Variants in RERE observed in about 807,000 individuals in gnomAD.
The protein encoded by RERE is arginine-glutamic acid dipeptide repeats protein.
In RERE, 40 loss-of-function variants were observed where a neutral mutation model predicts 146.1. The ratio of observed to expected loss-of-function variants is 0.27; its 90% confidence interval spans 0.21 to 0.36. The LOEUF is 0.36. Among genes scored for constraint, RERE ranks in the 10% least tolerant of loss-of-function variants. The pLI is 1.00. For missense variants in RERE, 1,933 were observed against 2,138.7 expected (o/e 0.90, Z 1.90); for synonymous variants, 1,003 against 866.0 (o/e 1.16, Z -2.78).
intron 10 of RERE, among the ~76,000 whole-genome samples, chr1:8,488,437 G>A (rs1297454376): frequency 6.6e-6 from 1 of 152,066 alleles, no homozygotes; most frequent in African/African-American, 2.4e-5. Context: ...GTAGAGACGA[G>A]GTTTCACCAT....
chr1:8,488,458 C>A (rs1352088060), intron 10 of RERE, among the ~76,000 whole-genome samples: 1 of 152,124 alleles, frequency 6.6e-6, no homozygotes, highest in Non-Finnish European at 1.5e-5. Context: ...GTTGGCCAGG[C>A]TGGTCTCAAA....
intron 1 of RERE, among the ~76,000 whole-genome samples, chr1:8,719,367 AC>A (rs1309234135): frequency 6.6e-6 from 1 of 152,156 alleles, no homozygotes; most frequent in Admixed American, 6.5e-5. Context: ...AAAGTAATCC[AC>A]CCCTAAATGA....
intron 1 of RERE, among the ~76,000 whole-genome samples, chr1:8,789,301 A>AAAAAAAAAAAAAAAAATATATATATAT: frequency 4.4e-4 from 11 of 24,812 alleles, no homozygotes; most frequent in East Asian, 9.9e-4. Flanking sequence ...AAAAAAAAAA[A>AAAAAAAAAAAAAAAAATATATATATAT]ATATATATAT....
At chr1:8,777,709 A>AT (rs140488472) in intron 1 of RERE, among the ~76,000 whole-genome samples, 31,547 of 151,044 alleles carry the variant, frequency 0.21, 3,777 homozygotes, top group Middle Eastern at 0.27. Context: ...TACTTTTTGT[A>AT]TTTTTTTAGT....
intron 6 of RERE, among the ~76,000 whole-genome samples, chr1:8,553,114 C>T (rs1250880064): frequency 6.6e-6 from 1 of 150,568 alleles, no homozygotes; most frequent in East Asian, 2.0e-4. Flanking sequence ...TAGGCCAGTA[C>T]ATCCACAAAC....
intron 1 of RERE, among the ~76,000 whole-genome samples, chr1:8,680,151 C>G (rs1473472685): frequency 6.6e-6 from 1 of 152,086 alleles, no homozygotes; most frequent in Non-Finnish European, 1.5e-5. Flanking sequence ...TTCCTATACA[C>G]CTGGTGGAAA....
intron 2 of RERE, among the ~76,000 whole-genome samples, chr1:8,630,685 A>G (rs1647024779): frequency 6.6e-6 from 1 of 152,080 alleles, no homozygotes; most frequent in Non-Finnish European, 1.5e-5. Context: ...CAGCCACTGT[A>G]CTCCAATCTA....
intron 4 of RERE, among the ~76,000 whole-genome samples, chr1:8,586,274 C>G (rs970609680): frequency 1.3e-5 from 2 of 152,060 alleles, no homozygotes; most frequent in African/African-American, 4.8e-5. Flanking sequence ...ACCTGGGTGA[C>G]AAAACTATAA....
intron 4 of RERE, among the ~76,000 whole-genome samples, chr1:8,571,889 C>T (rs1557691948): frequency 6.8e-6 from 1 of 146,806 alleles, no homozygotes; most frequent in Non-Finnish European, 1.5e-5. Context: ...GAAAATGCTG[C>T]TTTAAAAAAG....
At chr1:8,637,518 A>G (rs1321194710) in intron 2 of RERE, among the ~76,000 whole-genome samples, 1 of 152,204 alleles carries the variant, frequency 6.6e-6, no homozygotes, top group Non-Finnish European at 1.5e-5. Context: ...AAGCTGACCA[A>G]AATCATACTA....
At chr1:8,780,286 G>A (rs1641141151) in intron 1 of RERE, among the ~76,000 whole-genome samples, 1 of 152,100 alleles carries the variant, frequency 6.6e-6, no homozygotes, top group Non-Finnish European at 1.5e-5. Context: ...CTGGCTTTGG[G>A]TAGACATTAC....
At chr1:8,614,026 C>T (rs1389799178) in intron 4 of RERE, among the ~76,000 whole-genome samples, 2 of 152,172 alleles carry the variant, frequency 1.3e-5, no homozygotes, top group Non-Finnish European at 1.5e-5. Flanking sequence ...GAGGAATAAC[C>T]AAGGGATAGC....
chr1:8,409,158 A>AT (rs1643542940), intron 12 of RERE, among the ~76,000 whole-genome samples: 1 of 152,230 alleles, frequency 6.6e-6, no homozygotes, highest in Non-Finnish European at 1.5e-5. Context: ...TCTTAAGGAA[A>AT]TATCAGTTGT....
chr1:8,473,527 T>G (rs1373160438), intron 10 of RERE, among the ~76,000 whole-genome samples: 4 of 152,256 alleles, frequency 2.6e-5, no homozygotes, highest in Non-Finnish European at 5.9e-5. Flanking sequence ...ACCACTGTAC[T>G]GATTCATTCA....
intron 4 of RERE, among the ~76,000 whole-genome samples, chr1:8,580,008 A>G (rs1646344475): frequency 1.3e-5 from 2 of 152,188 alleles, no homozygotes; most frequent in Admixed American, 1.3e-4. Flanking sequence ...CATCTCAAAA[A>G]AGACAAAAAG....
rs144480894 is a variant in RERE, at chr1:8,797,199, C to A, written c.-145+19961G>T. 2.9e-3 allele frequency among the ~76,000 whole-genome samples: 440 copies of A among 152,018 alleles called. 2 individuals carry two copies. Among genetic ancestry groups the A allele is most frequent in the African/African-American group, 0.01 (419 of 41,452 alleles). Reference sequence around the variant, plus strand: ...GACCAGCCTGGGCAACACAGGGAGACCCTAGAAAAAAATTAAAAGTTGTTT... The same window carrying A: ...GACCAGCCTGGGCAACACAGGGAGAACCTAGAAAAAAATTAAAAGTTGTTT... On this transcript the variant is annotated intron_variant, in intron 1 of 22. Transcript: ENST00000400908.
intron 20 of RERE, among the ~76,000 whole-genome samples, chr1:8,357,272 T>C (rs934523135): frequency 2.0e-5 from 3 of 152,236 alleles, no homozygotes; most frequent in African/African-American, 7.2e-5. Flanking sequence ...CTACCTGTCC[T>C]CAACACTGCT....
rs1415196628 is a variant in RERE at position 8,786,275 on chromosome 1, T to C, written c.-145+30885A>G. 3.1e-6 allele frequency: 3 copies of C among 971,460 alleles called. No individual in the cohort carries two copies. In the African/African-American group the frequency reaches 4.8e-5, roughly 15 times the overall value. 60.2% of individuals were successfully genotyped at this position (971,460 alleles called of 1,614,324 possible). ...CTCCACCTTCTACAAAATGGGTGGTTTTTCTTCATTCTATCTTGTGGAGAA... is the reference window on the plus strand; with the variant it reads ...CTCCACCTTCTACAAAATGGGTGGTCTTTCTTCATTCTATCTTGTGGAGAA... On this transcript the variant is annotated intron_variant, in intron 1 of 22. Transcript: ENST00000400908.
intron 4 of RERE, among the ~76,000 whole-genome samples, chr1:8,591,755 C>T (rs1220043243): frequency 6.6e-6 from 1 of 152,220 alleles, no homozygotes; most frequent in East Asian, 1.9e-4. Flanking sequence ...TATCAACTGA[C>T]AGGTTCCATC....
Sources: allele counts gnomAD v4.1 joint callset (sites outside exome capture counted in the v4.1 genomes callset), GRCh38; gene constraint gnomAD v4.1.1; transcripts MANE v1.5; gene names NCBI Gene and HGNC (gene_info 2026-07-23, HGNC 2026-07-21).